SCUBE1: variants seen among roughly 807,000 people sequenced by gnomAD.
SCUBE1 encodes the protein signal peptide, CUB domain and EGF like domain containing 1.
In SCUBE1, 59 loss-of-function variants were observed where a neutral mutation model predicts 124.4. The ratio of observed to expected loss-of-function variants is 0.47; its 90% CI spans 0.38 to 0.59. The LOEUF (loss-of-function observed/expected upper bound fraction) is 0.59. Among genes scored for constraint, SCUBE1 ranks in the 20% least tolerant of loss-of-function variants. The probability of loss-of-function intolerance (pLI) is 0.00; values close to 1 mark genes in which losing one functional copy is unlikely to be tolerated. For missense variants in SCUBE1, 1,150 were observed against 1,371.2 expected (o/e 0.84, Z 2.55); for synonymous variants, 545 against 550.9 (o/e 0.99, Z 0.15).
intron 3 of SCUBE1, among the ~76,000 whole-genome samples, chr22:43,297,209 T>C (rs1925597210): frequency 6.6e-6 from 1 of 152,194 alleles, no homozygotes; most frequent in Non-Finnish European, 1.5e-5. Context: ...CTGGCTCCCA[T>C]GAGACAGCCC....
intron 10 of SCUBE1, among the ~76,000 whole-genome samples, chr22:43,226,426 T>TC (rs1555992821): frequency 6.6e-6 from 1 of 151,294 alleles, no homozygotes; most frequent in Non-Finnish European, 1.5e-5. Flanking sequence ...AGTGCTGGTG[T>TC]GGGGGGGCCC....
chr22:43,203,949 G>A lies in SCUBE1; in HGVS notation c.*48C>T, dbSNP rs2146645237. The A allele has an allele frequency of 6.3e-7, 1 of 1,594,658 alleles. No homozygotes were observed. Among genetic ancestry groups the A allele is most frequent in the Non-Finnish European group, 8.6e-7 (1 of 1,164,766 alleles). On this transcript the variant is annotated 3_prime_UTR_variant, in exon 22 of 22. Coordinates refer to ENST00000360835, the MANE Select transcript of SCUBE1 (RefSeq NM_173050.5). Reference sequence around the variant, plus strand: ...GCAGCTCCCACTGTGGAGGGCAGGTGCACCCTCCGCGGACCAGGCCACCCC... The same window carrying A: ...GCAGCTCCCACTGTGGAGGGCAGGTACACCCTCCGCGGACCAGGCCACCCC...
At chr22:43,339,574 A>G (rs145391142) in intron 1 of SCUBE1, among the ~76,000 whole-genome samples, 96 of 150,678 alleles carry the variant, frequency 6.4e-4, no homozygotes, top group African/African-American at 2.3e-3. Context: ...TACTCCCCCA[A>G]CAAGCATCAC....
chr22:43,314,534 AC>A (rs2146778377), intron 3 of SCUBE1, among the ~76,000 whole-genome samples: 1 of 152,198 alleles, frequency 6.6e-6, no homozygotes, highest in South Asian at 2.1e-4. Flanking sequence ...AGTCATGAGC[AC>A]CTGGAACACA....
chr22:43,223,580 G>C (rs954520476), intron 10 of SCUBE1, among the ~76,000 whole-genome samples: 5 of 152,152 alleles, frequency 3.3e-5, no homozygotes, highest in Non-Finnish European at 5.9e-5. Context: ...GAGGGGCCGT[G>C]GGGGGGATCG....
chr22:43,248,720 C>A (rs970680042), intron 6 of SCUBE1, among the ~76,000 whole-genome samples: 3 of 152,238 alleles, frequency 2.0e-5, no homozygotes, highest in African/African-American at 7.2e-5. Flanking sequence ...CTGATGAGCA[C>A]TGGGCCTGGG....
At chr22:43,328,720 G>C (rs1926807877) in intron 2 of SCUBE1, among the ~76,000 whole-genome samples, 1 of 152,160 alleles carries the variant, frequency 6.6e-6, no homozygotes, top group South Asian at 2.1e-4. Context: ...AGCTGGCCTA[G>C]TGCAATTCGG....
chr22:43,228,965 C>G, intron 9 of SCUBE1, 107 bp downstream of exon 9: 1 of 790,640 alleles, frequency 1.3e-6, no homozygotes, highest in East Asian at 2.7e-5. Context: ...AGGCCTCAGG[C>G]CCCCCAGGGT....
Position 43,255,849 on chromosome 22 carries a change from C to G in SCUBE1, c.727+2370G>C, listed in dbSNP as rs1490031693. On this transcript the variant is annotated intron_variant, in intron 6 of 21. Transcript: ENST00000360835. This position sits in a 1 kb window ranked among gnomAD's most constrained non-coding sequence, Gnocchi z 4.7. Reference sequence around the variant, plus strand: ...CCTGGGACACAGAGGGGACTCAGGGCCCATGGGCAAGCAAACAGAGAAGGA... The same window carrying G: ...CCTGGGACACAGAGGGGACTCAGGGGCCATGGGCAAGCAAACAGAGAAGGA... Among the ~76,000 whole-genome samples, 3 of 152,088 alleles carry G rather than the reference C, an allele frequency of 2.0e-5. No individual in the cohort carries two copies. The highest frequency in any genetic ancestry group is 2.0e-4 in the Admixed American group (3 of 15,264).
chr22:43,337,046 G>A (rs1927106225), intron 2 of SCUBE1, among the ~76,000 whole-genome samples: 2 of 152,118 alleles, frequency 1.3e-5, no homozygotes, highest in Admixed American at 6.6e-5. Context: ...GTGGAGGCCC[G>A]AATTTGGCTG....
At chr22:43,296,951 A>G (rs1344483226) in intron 3 of SCUBE1, among the ~76,000 whole-genome samples, 1 of 152,044 alleles carries the variant, frequency 6.6e-6, no homozygotes, top group Non-Finnish European at 1.5e-5. Flanking sequence ...TGAGCTGTGA[A>G]CTCCCATTCC....
chr22:43,238,671 C>G (rs1187254659), intron 7 of SCUBE1, 167 bp downstream of exon 7: 11 of 701,894 alleles, frequency 1.6e-5, no homozygotes, highest in Non-Finnish European at 2.1e-5. Context: ...CCAGCCCTCC[C>G]TCTTCCTGGC....
chr22:43,241,531 C>G (rs1213343581), intron 6 of SCUBE1, among the ~76,000 whole-genome samples: 2 of 152,126 alleles, frequency 1.3e-5, no homozygotes, highest in African/African-American at 4.8e-5. Context: ...GCCCTACCAC[C>G]AAGCACGTGC....
chr22:43,283,432 C>T (rs889157445), intron 4 of SCUBE1: 2 of 152,146 alleles, frequency 1.3e-5, no homozygotes, highest in Non-Finnish European at 1.5e-5. Context: ...TATTAGTATC[C>T]ATCTGAGGGT....
At chr22:43,341,249 C>T (rs572530743) in intron 1 of SCUBE1, among the ~76,000 whole-genome samples, 1 of 152,304 alleles carries the variant, frequency 6.6e-6, no homozygotes, top group Admixed American at 6.5e-5. Flanking sequence ...GGGGGCCCAG[C>T]CGGCAACTGG....
chr22:43,320,094 A>C, intron 2 of SCUBE1, 29 bp from the exon 3 acceptor site: 1 of 1,612,626 alleles, frequency 6.2e-7, no homozygotes, highest in Non-Finnish European at 8.5e-7. Flanking sequence ...GAGAGGTGTC[A>C]GAAGAAGAGC....
At chr22:43,221,828 C>A (rs1293112879) in intron 12 of SCUBE1, among the ~76,000 whole-genome samples, 1 of 152,166 alleles carries the variant, frequency 6.6e-6, no homozygotes, top group Admixed American at 6.5e-5. Context: ...CTCTGGGAGG[C>A]CGAGGCAGGC....
chr22:43,274,526 C>T (rs139045), intron 4 of SCUBE1, among the ~76,000 whole-genome samples: 74,388 of 151,902 alleles, frequency 0.49, 19,170 homozygotes, highest in Non-Finnish European at 0.59. Flanking sequence ...TGGCCTGCCA[C>T]GAACAGGGAA....
intron 8 of SCUBE1, among the ~76,000 whole-genome samples, chr22:43,230,521 C>T (rs1922509588): frequency 6.6e-6 from 1 of 152,344 alleles, no homozygotes; most frequent in African/African-American, 2.4e-5. Flanking sequence ...AGCCGCCTGC[C>T]TCTTTCAGGG....
Sources: allele counts gnomAD v4.1 joint callset (sites outside exome capture counted in the v4.1 genomes callset), GRCh38; gene constraint gnomAD v4.1.1; non-coding constraint Gnocchi (gnomAD v3.1); transcripts MANE v1.5; gene names NCBI Gene and HGNC (gene_info 2026-07-23, HGNC 2026-07-21).